Variants in KCNB2 observed in about 807,000 individuals in gnomAD.
The protein encoded by KCNB2 is delayed rectifier potassium channel protein.
Under a neutral mutation model 61.5 loss-of-function variants are expected in KCNB2, and 15 were observed. The ratio of observed to expected loss-of-function variants is 0.24; its 90% CI spans 0.16 to 0.38. The LOEUF (loss-of-function observed/expected upper bound fraction) is 0.38, where lower values mean the gene tolerates loss of function less well. KCNB2 is among the 10% of genes least tolerant of loss of function. The probability of loss-of-function intolerance (pLI) is 1.00; values close to 1 mark genes in which losing one functional copy is unlikely to be tolerated. For synonymous variants in KCNB2, 457 were observed against 446.0 expected (o/e 1.02, Z -0.31); for missense variants, 828 against 1,125.2 (o/e 0.74, Z 3.78).
At chr8:72,776,142 A>G (rs973068729) in intron 2 of KCNB2, among the ~76,000 whole-genome samples, 6 of 151,808 alleles carry the variant, frequency 4.0e-5, no homozygotes, top group African/African-American at 9.7e-5. Flanking sequence ...TCAGCAAACT[A>G]TCGCAGGGAC....
chr8:72,779,162 T>A (rs1015770970), intron 2 of KCNB2, among the ~76,000 whole-genome samples: 6 of 152,176 alleles, frequency 3.9e-5, no homozygotes, highest in African/African-American at 1.4e-4. Flanking sequence ...GATCAAGGCT[T>A]TGGCATGAGA....
At chr8:72,709,691 C>A (rs73309817) in intron 2 of KCNB2, among the ~76,000 whole-genome samples, 3 of 152,008 alleles carry the variant, frequency 2.0e-5, no homozygotes, top group Non-Finnish European at 4.4e-5. Context: ...CCCCGCTGAT[C>A]CAGTCACCTC....
rs1273964470 is a variant in KCNB2, at chr8:72,619,240, T to A, written c.579+50927T>A. 3 of 604,418 alleles carry A rather than the reference T, an allele frequency of 5.0e-6. No homozygotes were observed. In the East Asian group the frequency reaches 1.2e-4, roughly 25 times the overall value. The allele number at this position is 604,418 out of a possible 1,614,324, so 37.4% of individuals were successfully genotyped here. A position where few individuals can be genotyped will look rare whatever the true frequency, so the allele number is the denominator to read the frequency against. On this transcript the variant is annotated intron_variant, in intron 2 of 2. Transcript: ENST00000523207. Reference sequence around the variant, plus strand: ...CCTAGCTAGTGAGGTATCTTTAGTTTCAAGGGCGATGTGCTGTCAACCAAA... The same window carrying A: ...CCTAGCTAGTGAGGTATCTTTAGTTACAAGGGCGATGTGCTGTCAACCAAA...
At chr8:72,837,807 C>A (rs1358469661) in intron 2 of KCNB2, among the ~76,000 whole-genome samples, 1 of 143,458 alleles carries the variant, frequency 7.0e-6, no homozygotes, top group Non-Finnish European at 1.5e-5. Flanking sequence ...CTTTAAAGTA[C>A]TTCCTATGCT....
chr8:72,778,750 A>AAAAAG (rs1168878332), intron 2 of KCNB2, among the ~76,000 whole-genome samples: 16 of 145,308 alleles, frequency 1.1e-4, no homozygotes, highest in African/African-American at 4.0e-4. Flanking sequence ...AAAAAAAAAA[A>AAAAAG]AAAAAAAAAA....
intron 2 of KCNB2, among the ~76,000 whole-genome samples, chr8:72,916,008 A>G (rs2383872): frequency 0.59 from 89,711 of 151,958 alleles, 27,756 homozygotes; most frequent in Middle Eastern, 0.7. Context: ...TCAACTATTT[A>G]TAAGGCTAGA....
chr8:72,890,677 G>A (rs551335864), intron 2 of KCNB2, among the ~76,000 whole-genome samples: 7 of 152,212 alleles, frequency 4.6e-5, no homozygotes, highest in South Asian at 2.1e-4. Flanking sequence ...CTATAACCCC[G>A]TTTTCCAGAT....
chr8:72,821,630 A>C (rs1395058008), intron 2 of KCNB2, among the ~76,000 whole-genome samples: 3 of 75,400 alleles, frequency 4.0e-5, no homozygotes, highest in African/African-American at 1.6e-4. Flanking sequence ...ACACACACAC[A>C]CAAAAAAAAA....
intron 2 of KCNB2, among the ~76,000 whole-genome samples, chr8:72,729,552 A>G (rs1585857427): frequency 6.6e-6 from 1 of 152,274 alleles, no homozygotes; most frequent in East Asian, 1.9e-4. Context: ...ATGAAGTACG[A>G]AGACAGTTGA....
At position 72,938,148 on chromosome 8, in the gene KCNB2, A is replaced by T; in HGVS notation, c.*57A>T. On this transcript the variant is annotated 3_prime_UTR_variant, in exon 3 of 3. Transcript: ENST00000523207. ...CAAAACAAAACAAAACTTGTTTCTTAAAAATGCGGTTAATAATGCCTGTGA... is the reference window on the plus strand; with the variant it reads ...CAAAACAAAACAAAACTTGTTTCTTTAAAATGCGGTTAATAATGCCTGTGA... 3.5e-6 allele frequency: 5 copies of T among 1,410,308 alleles called. No individual in the cohort carries two copies. Among genetic ancestry groups the T allele is most frequent in the Non-Finnish European group, 3.9e-6 (4 of 1,032,592 alleles). The allele number at this position is 1,410,308 out of a possible 1,614,324, so 87.4% of individuals were successfully genotyped here.
chr8:72,841,165 T>C (rs1809877096), intron 2 of KCNB2, among the ~76,000 whole-genome samples: 1 of 152,154 alleles, frequency 6.6e-6, no homozygotes. Flanking sequence ...TGGGGAATCT[T>C]TTCCCCATTG....
chr8:72,746,557 A>T (rs545874601), intron 2 of KCNB2, among the ~76,000 whole-genome samples: 1 of 152,284 alleles, frequency 6.6e-6, no homozygotes, highest in Admixed American at 6.5e-5. Context: ...TGACGGCCTA[A>T]TGGTCTGGGA....
At position 72,652,502 on chromosome 8, in the gene KCNB2, T is replaced by TA. The variant is rs532595927; in HGVS notation, c.579+84193dup. ...ATATCAAATTTTGTCCTTCCCCTGT[T>TA]AAAAGCCTTCCAATGGCTTCAATTT... On this transcript the variant is annotated intron_variant, in intron 2 of 2. Coordinates refer to ENST00000523207, the MANE Select transcript of KCNB2 (RefSeq NM_004770.3). Among the ~76,000 whole-genome samples, 30 of 152,202 alleles carry TA rather than the reference T, an allele frequency of 2.0e-4. No homozygotes were observed. The South Asian group carries it at 6.0e-3, about 31-fold the overall frequency.
At chr8:72,831,463 T>C (rs1444016834) in intron 2 of KCNB2, among the ~76,000 whole-genome samples, 1 of 152,150 alleles carries the variant, frequency 6.6e-6, no homozygotes, top group Admixed American at 6.5e-5. Flanking sequence ...CTGTAGATTG[T>C]TTGCAAAGTT....
intron 2 of KCNB2, among the ~76,000 whole-genome samples, chr8:72,805,143 G>A (rs1360147663): frequency 2.0e-5 from 3 of 152,110 alleles, no homozygotes; most frequent in South Asian, 2.1e-4. Context: ...TCATACACAC[G>A]AAGTGCTCAG....
chr8:72,661,193 T>C (rs1806375061), intron 2 of KCNB2: 1 of 152,240 alleles, frequency 6.6e-6, no homozygotes, highest in Non-Finnish European at 1.5e-5. Flanking sequence ...TTTTTGTATT[T>C]TTATTAGAGA....
At chr8:72,828,536 T>G (rs938614815) in intron 2 of KCNB2, among the ~76,000 whole-genome samples, 2 of 152,206 alleles carry the variant, frequency 1.3e-5, no homozygotes, top group Admixed American at 6.5e-5. Flanking sequence ...AGGGTTTCAG[T>G]GTTTATCCAA....
chr8:72,711,341 C>T (rs1807322675), intron 2 of KCNB2, among the ~76,000 whole-genome samples: 1 of 152,212 alleles, frequency 6.6e-6, no homozygotes, highest in Non-Finnish European at 1.5e-5. Context: ...GTGAGCAGCA[C>T]TCGTGACTCC....
chr8:72,802,804 A>G (rs1182862487), intron 2 of KCNB2, among the ~76,000 whole-genome samples: 1 of 152,160 alleles, frequency 6.6e-6, no homozygotes, highest in African/African-American at 2.4e-5. Flanking sequence ...ATGTTTGGTT[A>G]AAGTTCAGGC....
Sources: allele counts gnomAD v4.1 joint callset (sites outside exome capture counted in the v4.1 genomes callset), GRCh38; gene constraint gnomAD v4.1.1; transcripts MANE v1.5; gene names NCBI Gene and HGNC (gene_info 2026-07-23, HGNC 2026-07-21).